Variants in LYPLAL1 observed in about 807,000 individuals in gnomAD.
LYPLAL1 encodes the protein lysophospholipase like 1.
LYPLAL1 carries 23 observed loss-of-function variants against 19.7 expected under a neutral mutation model. The observed-to-expected ratio is 1.17, with a 90% CI of 0.84 to 1.65. The LOEUF is 1.65. Among genes scored for constraint, LYPLAL1 ranks in the 40% most tolerant of loss-of-function variants. LYPLAL1 has a pLI of 0.00. For missense variants in LYPLAL1, 355 were observed against 279.4 expected (o/e 1.27, Z -1.93); for synonymous variants, 119 against 96.3 (o/e 1.24, Z -1.38).
At chr1:219,424,135 G>GAA in the LYPLAL1 span, among the ~76,000 whole-genome samples, 1 of 151,610 alleles carries the variant, frequency 6.6e-6, no homozygotes. Context: ...ATTGCATAGA[G>GAA]AAAAAAGTTC....
At chr1:219,308,882 G>A in the LYPLAL1 span, among the ~76,000 whole-genome samples, 4 of 152,184 alleles carry the variant, frequency 2.6e-5, no homozygotes, top group African/African-American at 4.8e-5. Flanking sequence ...GCCTAGTAGA[G>A]CTGTGAGAAG....
chr1:219,334,351 C>T, the LYPLAL1 span, among the ~76,000 whole-genome samples: 10 of 151,992 alleles, frequency 6.6e-5, no homozygotes, highest in African/African-American at 2.4e-4. Flanking sequence ...ATACTTTAAT[C>T]TTCTAATGTT....
the LYPLAL1 span, among the ~76,000 whole-genome samples, chr1:219,292,756 C>G: frequency 9.6e-4 from 146 of 152,270 alleles, no homozygotes; most frequent in African/African-American, 3.2e-3. Context: ...TGTTTCTAAT[C>G]ACGTAAGAAG....
the LYPLAL1 span, among the ~76,000 whole-genome samples, chr1:219,219,897 A>G: frequency 6.6e-6 from 1 of 152,066 alleles, no homozygotes; most frequent in East Asian, 1.9e-4. Flanking sequence ...TTTAATTTCA[A>G]CTTTAATTTA....
At chr1:219,359,914 CA>C in the LYPLAL1 span, among the ~76,000 whole-genome samples, 2 of 152,010 alleles carry the variant, frequency 1.3e-5, no homozygotes, top group Non-Finnish European at 2.9e-5. Context: ...TTATATAATG[CA>C]TAGAAAGGGA....
chr1:219,246,968 T>C, the LYPLAL1 span, among the ~76,000 whole-genome samples: 1 of 152,208 alleles, frequency 6.6e-6, no homozygotes, highest in Non-Finnish European at 1.5e-5. Context: ...GTTAAACTGC[T>C]GGCCCATTAT....
At chr1:219,424,141 A>C in the LYPLAL1 span, among the ~76,000 whole-genome samples, 1 of 151,832 alleles carries the variant, frequency 6.6e-6, no homozygotes, top group African/African-American at 2.4e-5. Flanking sequence ...TAGAGAAAAA[A>C]GTTCATTTCT....
the LYPLAL1 span, among the ~76,000 whole-genome samples, chr1:219,237,516 C>A: frequency 6.6e-6 from 1 of 152,152 alleles, no homozygotes. Context: ...ACATATGACA[C>A]CATCTCAGAG....
chr1:219,417,439 A>G, the LYPLAL1 span, among the ~76,000 whole-genome samples: 1 of 152,248 alleles, frequency 6.6e-6, no homozygotes, highest in Non-Finnish European at 1.5e-5. Context: ...AGCAAAGATC[A>G]TTTAAAATTG....
chr1:219,352,243 A>G, the LYPLAL1 span, among the ~76,000 whole-genome samples: 1 of 152,218 alleles, frequency 6.6e-6, no homozygotes, highest in Non-Finnish European at 1.5e-5. Flanking sequence ...AATAACATCC[A>G]CAGGGGGCCA....
the LYPLAL1 span, among the ~76,000 whole-genome samples, chr1:219,335,605 T>A: frequency 6.6e-6 from 1 of 151,256 alleles, no homozygotes; most frequent in East Asian, 1.9e-4. Context: ...TAAAATTTTT[T>A]AAAAAACTGC....
At chr1:219,398,247 T>G in the LYPLAL1 span, among the ~76,000 whole-genome samples, 5 of 152,172 alleles carry the variant, frequency 3.3e-5, no homozygotes, top group Non-Finnish European at 7.3e-5. Context: ...TTTTGTTCAT[T>G]CCCTTTTATT....
At chr1:219,342,036 C>T in the LYPLAL1 span, among the ~76,000 whole-genome samples, 28 of 152,220 alleles carry the variant, frequency 1.8e-4, 1 homozygote, top group Non-Finnish European at 3.7e-4. Context: ...TATTTCAATG[C>T]ACTTTTTTTG....
the LYPLAL1 span, among the ~76,000 whole-genome samples, chr1:219,254,251 T>G: frequency 6.6e-6 from 1 of 152,044 alleles, no homozygotes; most frequent in African/African-American, 2.4e-5. Flanking sequence ...CTCTGTGCCT[T>G]TTATTTGGGG....
the LYPLAL1 span, among the ~76,000 whole-genome samples, chr1:219,403,503 A>C: frequency 6.6e-6 from 1 of 152,204 alleles, no homozygotes; most frequent in Non-Finnish European, 1.5e-5. Context: ...AGGAGTAAAC[A>C]ATCTATGTAA....
At chr1:219,206,723 CT>C (rs531260610) in intron 3 of LYPLAL1, among the ~76,000 whole-genome samples, 268 of 141,566 alleles carry the variant, frequency 1.9e-3, no homozygotes, top group Non-Finnish European at 1.9e-3. Context: ...TTCTTTCTCT[CT>C]TTTTTTTTTT....
chr1:219,417,052 G>C, the LYPLAL1 span, among the ~76,000 whole-genome samples: 1 of 152,220 alleles, frequency 6.6e-6, no homozygotes, highest in Non-Finnish European at 1.5e-5. Context: ...AGCTGAGATA[G>C]TGTCAATCAG....
chr1:219,327,506 G>A, the LYPLAL1 span, among the ~76,000 whole-genome samples: 4 of 152,092 alleles, frequency 2.6e-5, no homozygotes, highest in Non-Finnish European at 4.4e-5. Context: ...GGTGCTTGGA[G>A]GGGAACGAGA....
chr1:219,279,575 ATT>A, the LYPLAL1 span, among the ~76,000 whole-genome samples: 1 of 152,240 alleles, frequency 6.6e-6, no homozygotes, highest in East Asian at 1.9e-4. Flanking sequence ...GTACTCATTT[ATT>A]ATAACAATGA....
Sources: gnomAD v4.1 joint callset for allele counts (sites outside exome capture counted in the v4.1 genomes callset) on GRCh38, gnomAD v4.1.1 for gene constraint, MANE v1.5 for transcripts, NCBI Gene and HGNC (gene_info 2026-07-23, HGNC 2026-07-21) for gene names.